The following BRD10 variants were observed in gnomAD, a reference collection of about 807,000 sequenced individuals.
The protein encoded by BRD10 is bromodomain containing 10.
At chr9:5,971,403 C>G in the BRD10 span, among the ~76,000 whole-genome samples, 1 of 152,102 alleles carries the variant, frequency 6.6e-6, no homozygotes, top group Non-Finnish European at 1.5e-5. Context: ...CTTGTCCACA[C>G]GACAGCTTGT....
chr9:5,933,710 G>A, the BRD10 span: 21 of 452,792 alleles, frequency 4.6e-5, no homozygotes, highest in African/African-American at 4.1e-4. Flanking sequence ...AAGAAAAGCT[G>A]CATCTCTATG....
chr9:6,001,373 C>A, the BRD10 span, among the ~76,000 whole-genome samples: 5 of 152,168 alleles, frequency 3.3e-5, no homozygotes, highest in African/African-American at 1.2e-4. Flanking sequence ...AATTCCCTAG[C>A]AAGCATTCAC....
At chr9:5,999,452 C>G in the BRD10 span, among the ~76,000 whole-genome samples, 1 of 152,106 alleles carries the variant, frequency 6.6e-6, no homozygotes, top group Non-Finnish European at 1.5e-5. Flanking sequence ...ATAAGCAAAG[C>G]TGAAAATTAA....
chr9:5,920,146 G>T, the BRD10 span: 2 of 1,613,820 alleles, frequency 1.2e-6, no homozygotes, highest in Non-Finnish European at 8.5e-7. Flanking sequence ...GGCCACTTAA[G>T]GAATTATTTG....
chr9:5,883,140 C>G, the BRD10 span, among the ~76,000 whole-genome samples: 2 of 143,894 alleles, frequency 1.4e-5, no homozygotes, highest in Non-Finnish European at 1.5e-5. Context: ...CACATGTACC[C>G]TAGAACTTAA....
At chr9:6,002,853 T>G in the BRD10 span, among the ~76,000 whole-genome samples, 1 of 152,052 alleles carries the variant, frequency 6.6e-6, no homozygotes, top group Non-Finnish European at 1.5e-5. Flanking sequence ...ATTTTTTTTG[T>G]TTGTTTGTTT....
chr9:5,977,792 G>A, the BRD10 span, among the ~76,000 whole-genome samples: 1 of 152,114 alleles, frequency 6.6e-6, no homozygotes, highest in Admixed American at 6.6e-5. Flanking sequence ...CCAAGATCAC[G>A]TCACTGCACT....
chr9:5,968,001 C>A, the BRD10 span: 10 of 1,383,744 alleles, frequency 7.2e-6, no homozygotes, highest in Admixed American at 2.6e-5. Flanking sequence ...TAACTCCCAT[C>A]CATTTGTGTT....
At chr9:5,947,872 C>T in the BRD10 span, among the ~76,000 whole-genome samples, 2 of 151,924 alleles carry the variant, frequency 1.3e-5, no homozygotes, top group African/African-American at 4.8e-5. Flanking sequence ...AGCAAAACAC[C>T]TTATTAAAAC....
the BRD10 span, chr9:5,907,210 AT>A: frequency 6.2e-6 from 2 of 320,460 alleles, no homozygotes; most frequent in Non-Finnish European, 1.1e-5. Flanking sequence ...AAGTACAGAT[AT>A]TTTCTTAATT....
the BRD10 span, among the ~76,000 whole-genome samples, chr9:5,895,480 T>C: frequency 8.5e-5 from 13 of 152,112 alleles, no homozygotes; most frequent in Non-Finnish European, 1.9e-4. Context: ...AGAATATTTA[T>C]CCTTCTCACA....
chr9:5,927,880 C>T, the BRD10 span, among the ~76,000 whole-genome samples: 8 of 151,758 alleles, frequency 5.3e-5, no homozygotes, highest in Non-Finnish European at 7.4e-5. Context: ...TTCTACCAGC[C>T]TTATGTCTTT....
chr9:5,914,763 G>C, the BRD10 span, among the ~76,000 whole-genome samples: 1 of 151,954 alleles, frequency 6.6e-6, no homozygotes, highest in Non-Finnish European at 1.5e-5. Flanking sequence ...CTATTTTTTA[G>C]ATCATTCCAT....
the BRD10 span, among the ~76,000 whole-genome samples, chr9:5,955,658 G>A: frequency 2.6e-5 from 4 of 152,092 alleles, no homozygotes; most frequent in African/African-American, 9.7e-5. Context: ...AGGTTCACAG[G>A]GGTTTAACTG....
chr9:5,923,251 C>G, the BRD10 span: 1 of 1,613,536 alleles, frequency 6.2e-7, no homozygotes, highest in African/African-American at 1.3e-5. Flanking sequence ...AAGGCAATTC[C>G]TTTTTCAACA....
chr9:5,913,860 G>C, the BRD10 span: 1 of 283,556 alleles, frequency 3.5e-6, no homozygotes, highest in Non-Finnish European at 6.9e-6. Context: ...TCTCCCACCT[G>C]AGTAAGCATC....
the BRD10 span, among the ~76,000 whole-genome samples, chr9:5,980,286 C>A: frequency 1.3e-5 from 2 of 152,174 alleles, no homozygotes; most frequent in Non-Finnish European, 2.9e-5. Context: ...TCCCCCAAGA[C>A]TGCCTGTTGT....
chr9:5,916,529 A>G, the BRD10 span, among the ~76,000 whole-genome samples: 11 of 145,516 alleles, frequency 7.6e-5, no homozygotes, highest in African/African-American at 2.8e-4. Context: ...ATGTGTGTAT[A>G]TATATGTATA....
chr9:5,914,549 G>C, the BRD10 span, among the ~76,000 whole-genome samples: 1 of 147,810 alleles, frequency 6.8e-6, no homozygotes, highest in Admixed American at 6.9e-5. Flanking sequence ...TCAGCCTCCC[G>C]AGTAGCTGGG....
Sources: allele counts gnomAD v4.1 joint callset (sites outside exome capture counted in the v4.1 genomes callset), GRCh38; gene constraint gnomAD v4.1.1; transcripts MANE v1.5; gene names NCBI Gene and HGNC (gene_info 2026-07-23, HGNC 2026-07-21).